GALM: variants seen among roughly 807,000 people sequenced by gnomAD.
GALM encodes aldose 1-epimerase.
Under a neutral mutation model 37.4 loss-of-function variants are expected in GALM, and 43 were observed. The observed-to-expected ratio is 1.15, with a 90% CI of 0.90 to 1.48. The LOEUF is 1.48. Ranked by LOEUF, GALM falls within the 40% of genes most tolerant of loss-of-function variation. The pLI is 0.00. For synonymous variants in GALM, 199 were observed against 170.6 expected (o/e 1.17, Z -1.30); for missense variants, 456 against 419.1 (o/e 1.09, Z -0.77).
chr2:38,677,364 G>C (rs1465719694), intron 2 of GALM, among the ~76,000 whole-genome samples: 1 of 152,150 alleles, frequency 6.6e-6, no homozygotes, highest in African/African-American at 2.4e-5. Context: ...CCTGCAGAAG[G>C]AGGCTTCCCC....
At chr2:38,680,000 C>T (rs990938214) in intron 2 of GALM, 8 of 451,614 alleles carry the variant, frequency 1.8e-5, no homozygotes, top group African/African-American at 1.4e-4. Context: ...TTTCCAAAAG[C>T]AAAATGCCTT....
intron 3 of GALM, among the ~76,000 whole-genome samples, chr2:38,687,189 A>G (rs1044158908): frequency 6.6e-6 from 1 of 152,182 alleles, no homozygotes; most frequent in Admixed American, 6.5e-5. Context: ...CACCACCCTG[A>G]GGCATGCGAG....
rs763645200 is a variant in GALM, at chr2:38,733,544, G to T, written c.1008G>T (p.Trp336Cys). 1.9e-6 allele frequency: 3 copies of T among 1,613,834 alleles called. No homozygotes were observed. Among genetic ancestry groups the T allele is most frequent in the African/African-American group, 1.3e-5 (1 of 74,924 alleles). Residue 336 changes from tryptophan to cysteine, a missense_variant, in exon 7 of 7, where the codon TGG becomes TGT. By Grantham distance (215) the Trp-to-Cys change is radical. Transcript: ENST00000272252. ...GTGAGGAGTATGACCACACCACCTGGTTCAAGTTTTCTGTGGCTTAAGGAA... is the reference window on the plus strand; with the variant it reads ...GTGAGGAGTATGACCACACCACCTGTTTCAAGTTTTCTGTGGCTTAAGGAA... ...RPGEEYDHTTWFKFSVA is the reference protein window; with the variant it reads ...RPGEEYDHTTCFKFSVA
chr2:38,687,197 G>A (rs536139486), intron 3 of GALM, among the ~76,000 whole-genome samples: 7 of 152,324 alleles, frequency 4.6e-5, no homozygotes, highest in Admixed American at 1.3e-4. Flanking sequence ...TGAGGCATGC[G>A]AGGATGGCAG....
chr2:38,681,581 A>G (rs748086175), intron 3 of GALM, 95 bp downstream of exon 3: 161 of 1,030,986 alleles, frequency 1.6e-4, no homozygotes, highest in Middle Eastern at 2.5e-4. Context: ...TTGCTGTGGC[A>G]GTGAGGTCAC....
chr2:38,725,526 A>T (rs1354923480), intron 4 of GALM, among the ~76,000 whole-genome samples: 2 of 147,762 alleles, frequency 1.4e-5, no homozygotes, highest in African/African-American at 5.1e-5. Context: ...ACAGAACGAG[A>T]CCCTCGCTCT....
At chr2:38,694,268 T>C (rs1485591383) in intron 4 of GALM, among the ~76,000 whole-genome samples, 2 of 152,192 alleles carry the variant, frequency 1.3e-5, no homozygotes, top group Non-Finnish European at 2.9e-5. Context: ...ATTTCTTTAC[T>C]ATATAAATAC....
chr2:38,701,753 T>C (rs1348502434), intron 4 of GALM, among the ~76,000 whole-genome samples: 1 of 152,178 alleles, frequency 6.6e-6, no homozygotes, highest in Non-Finnish European at 1.5e-5. Context: ...CTTGGAGAAA[T>C]AGCAAAGTCC....
chr2:38,719,441 C>T (rs1347849076), intron 4 of GALM, among the ~76,000 whole-genome samples: 2 of 145,978 alleles, frequency 1.4e-5, no homozygotes, highest in African/African-American at 5.1e-5. Flanking sequence ...TGCACTGCAG[C>T]CTAGGCAACA....
At chr2:38,725,512 G>A (rs564440592) in intron 4 of GALM, among the ~76,000 whole-genome samples, 1 of 150,608 alleles carries the variant, frequency 6.6e-6, no homozygotes, top group East Asian at 2.0e-4. Context: ...CTACAGCCTG[G>A]GTAACAGAAC....
chr2:38,697,193 T>C (rs550678433), intron 4 of GALM, among the ~76,000 whole-genome samples: 1 of 152,288 alleles, frequency 6.6e-6, no homozygotes, highest in African/African-American at 2.4e-5. Flanking sequence ...TTAGGGAAAC[T>C]TAGGGTAAAT....
rs1558582058 is a variant in GALM, at chr2:38,686,243, T to TTCTTCCTTTCTTC, written c.553-3570_553-3569insTCTTCCTTTCTTC. ...AAATTTCTTTCTTTCTTTCTTTCTT[T>TTCTTCCTTTCTTC]CTTTCTTTCTTTCTTTCTTTCTTTC... On this transcript the variant is annotated intron_variant, in intron 3 of 6. Transcript: ENST00000272252. Among the ~76,000 whole-genome samples, 48 of 97,002 alleles carry TTCTTCCTTTCTTC rather than the reference T, an allele frequency of 4.9e-4. 1 individual carries two copies. Among genetic ancestry groups the TTCTTCCTTTCTTC allele is most frequent in the African/African-American group, 2.6e-3 (47 of 17,820 alleles). The allele number at this position is 97,002 out of a possible 152,430, so 63.6% of individuals were successfully genotyped here. A position where few individuals can be genotyped will look rare whatever the true frequency, so the allele number is the denominator to read the frequency against.
chr2:38,678,636 C>A lies in GALM; in HGVS notation c.345+2570C>A, dbSNP rs371803429. Among the ~76,000 whole-genome samples the A allele has an allele frequency of 2.0e-5, 3 of 152,280 alleles. No homozygotes were observed. The East Asian group carries it at 5.8e-4, about 29-fold the overall frequency. On this transcript the variant is annotated intron_variant, in intron 2 of 6. Transcript: ENST00000272252. The stretch of plus-strand genomic sequence containing the variant: ...TGAGTGTCTTGAAAGTTCAACCTTT[C>A]TGGGAGCTAACTAGGGTGTAAAATG...
At chr2:38,698,338 C>T (rs1665850931) in intron 4 of GALM, 41 of 1,276,052 alleles carry the variant, frequency 3.2e-5, no homozygotes, top group Non-Finnish European at 4.3e-5. Flanking sequence ...CCCTTGCTCA[C>T]AGGTGCTTCT....
chr2:38,730,848 G>A (rs761396395), intron 5 of GALM, among the ~76,000 whole-genome samples: 1 of 151,844 alleles, frequency 6.6e-6, no homozygotes, highest in East Asian at 1.9e-4. Flanking sequence ...TTGAACCCAG[G>A]GGGTGGAAGT....
intron 4 of GALM, among the ~76,000 whole-genome samples, chr2:38,704,628 T>G (rs1383396384): frequency 6.6e-6 from 1 of 151,552 alleles, no homozygotes; most frequent in Non-Finnish European, 1.5e-5. Flanking sequence ...GAGCTATGAT[T>G]GGGCACTGCA....
rs898297015 is a variant in GALM at position 38,718,024 on chromosome 2, C to T, written c.635-11532C>T. ...TAATATTTTCTGTTTTTTGCAGAGA[C>T]GGGGATCCTGCTATGTTGCCCAGGC... On this transcript the variant is annotated intron_variant, in intron 4 of 6. Transcript: ENST00000272252. 1.1e-4 allele frequency among the ~76,000 whole-genome samples: 16 copies of T among 149,850 alleles called. No homozygotes were observed. In the South Asian group the frequency reaches 1.1e-3, roughly 10 times the overall value.
chr2:38,708,682 T>G (rs1275980731), intron 4 of GALM, among the ~76,000 whole-genome samples: 2 of 140,950 alleles, frequency 1.4e-5, no homozygotes, highest in Non-Finnish European at 3.0e-5. Flanking sequence ...GTGAGCAAGA[T>G]CATGCCATTG....
chr2:38,692,831 G>T (rs1366876072), intron 4 of GALM, among the ~76,000 whole-genome samples: 2 of 152,196 alleles, frequency 1.3e-5, no homozygotes, highest in Non-Finnish European at 2.9e-5. Flanking sequence ...AGTTTGCCAG[G>T]GAGTGAGGAG....
Sources: gnomAD v4.1 joint callset for allele counts (sites outside exome capture counted in the v4.1 genomes callset) on GRCh38, gnomAD v4.1.1 for gene constraint, MANE v1.5 for transcripts, NCBI Gene and HGNC (gene_info 2026-07-23, HGNC 2026-07-21) for gene names.